PRRC2C: variants seen among roughly 807,000 people sequenced by gnomAD.
The protein encoded by PRRC2C is protein PRRC2C.
In PRRC2C, 72 loss-of-function variants were observed where a neutral mutation model predicts 317.2. That is an observed-to-expected ratio of 0.23 (90% CI 0.19 to 0.28). The LOEUF is 0.28. Among genes scored for constraint, PRRC2C ranks in the 10% least tolerant of loss-of-function variants. The pLI is 1.00. For missense variants in PRRC2C, 3,074 were observed against 3,459.7 expected (o/e 0.89, Z 2.80); for synonymous variants, 1,296 against 1,205.9 (o/e 1.07, Z -1.55).
At chr1:171,539,416 A>T (rs866422173) in intron 15 of PRRC2C, among the ~76,000 whole-genome samples, 1 of 152,196 alleles carries the variant, frequency 6.6e-6, no homozygotes, top group Non-Finnish European at 1.5e-5. Flanking sequence ...TTATACAGCA[A>T]ATCTCCAGAA....
rs769664675 is a variant in PRRC2C at position 171,592,612 on chromosome 1, A to G, written c.*765A>G. On this transcript the variant is annotated 3_prime_UTR_variant, in exon 35 of 35. Coordinates refer to ENST00000647382, the MANE Select transcript of PRRC2C (RefSeq NM_001387844.1). Reference sequence around the variant, plus strand: ...TTCTTCCATGGAGCTCTCACGATTCAAACATGACAGATTTGGTAAAATGCT... The same window carrying G: ...TTCTTCCATGGAGCTCTCACGATTCGAACATGACAGATTTGGTAAAATGCT... 1 of 152,186 alleles carries G rather than the reference A, an allele frequency of 6.6e-6. No individual in the cohort carries two copies. The highest frequency in any genetic ancestry group is 1.5e-5 in the Non-Finnish European group (1 of 68,042). The allele number at this position is 152,186 out of a possible 1,614,324, so 9.4% of individuals were successfully genotyped here.
rs764970420 is a variant in PRRC2C, at chr1:171,558,113, C to G, written c.6001C>G (p.Pro2001Ala). 3.1e-6 allele frequency: 5 copies of G among 1,613,254 alleles called. No individual in the cohort carries two copies. The highest frequency in any genetic ancestry group is 1.7e-5 in the Admixed American group (1 of 60,004). Residue 2001 changes from proline (P) to alanine (A), a missense_variant, in exon 19 of 35, where the codon CCA becomes GCA. This residue lies in a region of PRRC2C where 640 missense variants were observed against 676.1 expected (regional missense o/e 0.95). Coordinates refer to ENST00000647382, the MANE Select transcript of PRRC2C (RefSeq NM_001387844.1). ...AELWDNKVAP[P>A]AVLNDISKKL... The stretch of plus-strand genomic sequence containing the variant: ...ATTATGGGATAACAAGGTGGCCCCA[C>G]CAGCTGTGCTGAATGATATCTCTAA...
At chr1:171,509,798 G>A (rs1670951472) in intron 1 of PRRC2C, 1 of 147,854 alleles carries the variant, frequency 6.8e-6, no homozygotes, top group South Asian at 2.2e-4. Flanking sequence ...CCTATTTCTA[G>A]AGAAACATGG....
At position 171,540,275 on chromosome 1, in the gene PRRC2C, C is replaced by T; in HGVS notation, c.2809C>T (p.Pro937Ser). The T allele has an allele frequency of 6.2e-7, 1 of 1,613,780 alleles. No homozygotes were observed. The highest frequency in any genetic ancestry group is 8.5e-7 in the Non-Finnish European group (1 of 1,179,880). ...CCATGGATCTAACCATACGCAAAAA[C>T]CAGACGAGCAGAGAAGTGAACCATC... ...VSHGSNHTQKPDEQRSEPSAG... is the reference protein window; with the variant it reads ...VSHGSNHTQKSDEQRSEPSAG... The change falls in exon 16 of 35, where the codon CCA becomes TCA. Residue 937 changes from proline to serine, a missense_variant. Transcript: ENST00000647382.
intron 34 of PRRC2C, chr1:171,591,115 G>A (rs1421755367): frequency 3.1e-6 from 3 of 956,116 alleles, no homozygotes; most frequent in Non-Finnish European, 3.7e-6. Context: ...ATCAAGTGAA[G>A]TCGTAGTTAC....
At chr1:171,546,835 C>A (rs1679202421) in intron 17 of PRRC2C, among the ~76,000 whole-genome samples, 1 of 151,676 alleles carries the variant, frequency 6.6e-6, no homozygotes, top group Non-Finnish European at 1.5e-5. Flanking sequence ...CCAGGTCGGT[C>A]CGGAACTCCT....
At chr1:171,535,206 C>T (rs1676595982) in intron 12 of PRRC2C, among the ~76,000 whole-genome samples, 1 of 151,796 alleles carries the variant, frequency 6.6e-6, no homozygotes, top group African/African-American at 2.4e-5. Context: ...TGGATCTCTG[C>T]TCTCCATCTC....
intron 1 of PRRC2C, among the ~76,000 whole-genome samples, chr1:171,501,546 CAG>C: frequency 6.6e-6 from 1 of 152,266 alleles, no homozygotes; most frequent in South Asian, 2.1e-4. Context: ...CTTCCTTAAA[CAG>C]AGAAAGAAAG....
chr1:171,578,539 A>G (rs1022772912), intron 26 of PRRC2C, among the ~76,000 whole-genome samples: 4 of 151,976 alleles, frequency 2.6e-5, no homozygotes, highest in Non-Finnish European at 5.9e-5. Flanking sequence ...CGTCGTAATA[A>G]TATGTGGAGT....
intron 32 of PRRC2C, 120 bp from the exon 33 acceptor site, chr1:171,588,259 C>A: frequency 9.0e-7 from 1 of 1,113,152 alleles, no homozygotes; most frequent in Non-Finnish European, 1.3e-6. Context: ...TGGTAATCAT[C>A]ATAGTAAATT....
rs201338220 is a variant in PRRC2C, at chr1:171,527,789, A to G, written c.1201-2A>G. On this transcript the variant is annotated splice_acceptor_variant, in intron 10 of 34. Coordinates refer to ENST00000647382, the MANE Select transcript of PRRC2C (RefSeq NM_001387844.1). LOFTEE classifies it high-confidence loss of function. ...AGAATAATTCTTTCTTCTTTATAAT[A>G]GGAACGTGGAACATCTTCACATCTG... is the stretch of plus-strand genomic sequence containing the variant. The G allele has an allele frequency of 2.2e-4, 347 of 1,570,060 alleles. 1 individual carries two copies. The highest frequency in any genetic ancestry group is 1.0e-3 in the Admixed American group (56 of 54,666).
chr1:171,537,160 ATT>A, intron 14 of PRRC2C, 101 bp from the exon 15 acceptor site: 3 of 878,816 alleles, frequency 3.4e-6, no homozygotes, highest in Non-Finnish European at 5.2e-6. Context: ...AATATGGAGA[ATT>A]CCACCTAACA....
chr1:171,514,830 G>T (rs1672040014), intron 4 of PRRC2C, among the ~76,000 whole-genome samples, 185 bp downstream of exon 4: 1 of 152,188 alleles, frequency 6.6e-6, no homozygotes, highest in African/African-American at 2.4e-5. Context: ...CAAGAGCCAT[G>T]TATGAGTCAA....
chr1:171,527,681 G>C, intron 10 of PRRC2C, 110 bp from the exon 11 acceptor site: 1 of 827,212 alleles, frequency 1.2e-6, no homozygotes, highest in Non-Finnish European at 1.9e-6. Context: ...GCTTGGCCCC[G>C]GGAGACAGAG....
At position 171,541,309 on chromosome 1, in the gene PRRC2C, C is replaced by T; in HGVS notation, c.3843C>T (p.Asp1281=). The change falls in exon 16 of 35, where the codon GAC becomes GAT. Residue 1281 remains aspartate (D), a synonymous_variant. Coordinates refer to ENST00000647382, the MANE Select transcript of PRRC2C (RefSeq NM_001387844.1). The surrounding 1 kb of genome is among the most constrained non-coding windows in gnomAD (Gnocchi z 4.1). ...TTCATGAAAGTGCAAGTGACAAGGA[C>T]AGTTTAAGTAAAGGCAAACTTCCCA... ...SEIHESASDK[D]SLSKGKLPKR... 1 of 1,613,918 alleles carries T rather than the reference C, an allele frequency of 6.2e-7. No homozygotes were observed. The highest frequency in any genetic ancestry group is 1.3e-5 in the African/African-American group (1 of 75,008).
chr1:171,582,177 G>A (rs561299008), intron 28 of PRRC2C, among the ~76,000 whole-genome samples: 1 of 152,266 alleles, frequency 6.6e-6, no homozygotes, highest in South Asian at 2.1e-4. Flanking sequence ...GGCTATTGGG[G>A]CTATGAATTA....
At chr1:171,542,364 T>C in intron 16 of PRRC2C, 135 bp downstream of exon 16, 1 of 861,482 alleles carries the variant, frequency 1.2e-6, no homozygotes, top group Non-Finnish European at 1.7e-6. Context: ...TGCTTTATTC[T>C]CTGTTCTCAA....
intron 5 of PRRC2C, among the ~76,000 whole-genome samples, chr1:171,517,239 C>T (rs1672554778): frequency 6.6e-6 from 1 of 152,186 alleles, no homozygotes; most frequent in South Asian, 2.1e-4. Context: ...TCCCATCTTC[C>T]TTCCCTCAGG....
chr1:171,495,087 G>A (rs547352291), intron 1 of PRRC2C, among the ~76,000 whole-genome samples: 102 of 152,318 alleles, frequency 6.7e-4, no homozygotes, highest in Non-Finnish European at 1.3e-3. Flanking sequence ...GTTTGTTAAT[G>A]TTTGTCTTCA....
Sources: allele counts gnomAD v4.1 joint callset (sites outside exome capture counted in the v4.1 genomes callset), GRCh38; gene constraint gnomAD v4.1.1; regional missense constraint gnomAD v4.1.1; non-coding constraint Gnocchi (gnomAD v3.1); transcripts MANE v1.5; gene names NCBI Gene and HGNC (gene_info 2026-07-23, HGNC 2026-07-21).